FBXL7: variants seen among roughly 807,000 people sequenced by gnomAD.
FBXL7 encodes the protein F-box and leucine rich repeat protein 7.
Under a neutral mutation model 38.3 loss-of-function variants are expected in FBXL7, and 12 were observed. The observed-to-expected ratio is 0.31, with a 90% CI of 0.20 to 0.51. The LOEUF (loss-of-function observed/expected upper bound fraction) is 0.51. Among genes scored for constraint, FBXL7 ranks in the 20% least tolerant of loss-of-function variants. FBXL7 has a pLI of 0.98. For synonymous variants in FBXL7, 297 were observed against 300.9 expected, an observed-to-expected ratio of 0.99 and a Z score of 0.13; for missense variants, 567 against 676.4, an observed-to-expected ratio of 0.84 and a Z score of 1.79.
At chr5:15,598,503 G>A (rs1391063924) in intron 1 of FBXL7, among the ~76,000 whole-genome samples, 1 of 152,178 alleles carries the variant, frequency 6.6e-6, no homozygotes, top group Non-Finnish European at 1.5e-5. Context: ...CAGACAGACT[G>A]TCTTTTCTGG....
At chr5:15,545,988 C>T (rs1000314900) in intron 1 of FBXL7, among the ~76,000 whole-genome samples, 3 of 152,130 alleles carry the variant, frequency 2.0e-5, no homozygotes, top group Non-Finnish European at 2.9e-5. Context: ...GTAATACACA[C>T]ACTGGATTTT....
intron 2 of FBXL7, among the ~76,000 whole-genome samples, chr5:15,633,973 GT>G (rs1741088049): frequency 6.6e-6 from 1 of 151,258 alleles, no homozygotes; most frequent in South Asian, 2.1e-4. Flanking sequence ...TAGAGATGGG[GT>G]TTTACCATGT....
chr5:15,734,313 G>A (rs1339625389), intron 2 of FBXL7, among the ~76,000 whole-genome samples: 1 of 152,202 alleles, frequency 6.6e-6, no homozygotes, highest in East Asian at 1.9e-4. Flanking sequence ...TCTTCTCTAT[G>A]GGACCTCAGT....
intron 1 of FBXL7, among the ~76,000 whole-genome samples, chr5:15,561,265 G>A (rs984073269): frequency 3.3e-5 from 5 of 151,994 alleles, no homozygotes; most frequent in African/African-American, 1.2e-4. Flanking sequence ...TCTACTCTGT[G>A]TTGCTATGTA....
chr5:15,630,506 T>C (rs528273222), intron 2 of FBXL7, among the ~76,000 whole-genome samples: 13 of 152,214 alleles, frequency 8.5e-5, no homozygotes, highest in Middle Eastern at 3.4e-3. Context: ...TTCACTGATT[T>C]GTTATGGAGA....
chr5:15,825,611 C>G (rs938337015), intron 2 of FBXL7, among the ~76,000 whole-genome samples: 29 of 152,264 alleles, frequency 1.9e-4, no homozygotes, highest in African/African-American at 5.8e-4. Flanking sequence ...ATTATTCTCA[C>G]TTCTGTTGTA....
chr5:15,673,038 A>G (rs1742533021), intron 2 of FBXL7, among the ~76,000 whole-genome samples: 1 of 151,052 alleles, frequency 6.6e-6, no homozygotes, highest in Non-Finnish European at 1.5e-5. Flanking sequence ...CTTAAAACCC[A>G]TATAGTGGCC....
At chr5:15,530,458 C>G (rs1240533285) in intron 1 of FBXL7, among the ~76,000 whole-genome samples, 1 of 152,052 alleles carries the variant, frequency 6.6e-6, no homozygotes, top group Non-Finnish European at 1.5e-5. Flanking sequence ...GATCCTAGAT[C>G]TTGTTCTTAG....
intron 2 of FBXL7, among the ~76,000 whole-genome samples, chr5:15,713,694 T>C (rs1162979228): frequency 6.6e-6 from 1 of 152,184 alleles, no homozygotes; most frequent in Non-Finnish European, 1.5e-5. Context: ...AATCTTTGGA[T>C]TTCTGAGTCA....
rs549191678 is a variant in FBXL7, at chr5:15,779,970, C to T, written c.128-147920C>T. Among the ~76,000 whole-genome samples the T allele has an allele frequency of 7.2e-5, 11 of 152,220 alleles. No homozygotes were observed. The East Asian group carries it at 1.9e-3, about 27-fold the overall frequency. ...TCACCTTTACCTCATTCCAGATGTC[C>T]GACTTGTGTTTGTCAAAAATGGATT... On this transcript the variant is annotated intron_variant, in intron 2 of 3. Transcript: ENST00000504595.
intron 2 of FBXL7, among the ~76,000 whole-genome samples, chr5:15,742,838 A>C (rs1735926451): frequency 6.6e-6 from 1 of 152,188 alleles, no homozygotes; most frequent in South Asian, 2.1e-4. Context: ...GAGTGGCCTC[A>C]GGATACTTAC....
intron 1 of FBXL7, among the ~76,000 whole-genome samples, chr5:15,571,928 T>C (rs1738801997): frequency 6.6e-6 from 1 of 152,164 alleles, no homozygotes; most frequent in Non-Finnish European, 1.5e-5. Context: ...GCCCCATCTC[T>C]TACCCGGTTA....
intron 2 of FBXL7, among the ~76,000 whole-genome samples, chr5:15,734,031 C>G (rs7713555): frequency 0.55 from 83,631 of 151,038 alleles, 23,218 homozygotes; most frequent in East Asian, 0.68. Context: ...CTCTTGAACC[C>G]GGGACCCGGG....
chr5:15,694,071 C>A (rs1579383774), intron 2 of FBXL7, among the ~76,000 whole-genome samples: 1 of 152,286 alleles, frequency 6.6e-6, no homozygotes, highest in African/African-American at 2.4e-5. Context: ...AACACATGCC[C>A]ACTGGGCTTT....
chr5:15,778,612 C>T (rs1736918021), intron 2 of FBXL7, among the ~76,000 whole-genome samples: 1 of 152,114 alleles, frequency 6.6e-6, no homozygotes, highest in Non-Finnish European at 1.5e-5. Context: ...TTTCTCATCT[C>T]CATCGTTTTT....
chr5:15,692,120 C>T lies in FBXL7; in HGVS notation c.127+76048C>T, dbSNP rs139006257. Among the ~76,000 whole-genome samples, 642 of 152,206 alleles carry T rather than the reference C, an allele frequency of 4.2e-3. 2 individuals carry two copies. Among genetic ancestry groups the T allele is most frequent in the African/African-American group, 0.014 (600 of 41,528 alleles). The stretch of plus-strand genomic sequence containing the variant: ...GAGCCTGAGCCCTCAGAGTAGGCTG[C>T]CTCGATTGGAATCCGGGGTCACTTC... On this transcript the variant is annotated intron_variant, in intron 2 of 3. Transcript: ENST00000504595.
At chr5:15,914,280 T>A (rs1290314703) in intron 2 of FBXL7, among the ~76,000 whole-genome samples, 2 of 149,734 alleles carry the variant, frequency 1.3e-5, no homozygotes, top group Admixed American at 1.4e-4. Flanking sequence ...CAGCTACTCA[T>A]GAGGCTGAGG....
At chr5:15,920,155 G>A (rs1348022473) in intron 2 of FBXL7, among the ~76,000 whole-genome samples, 1 of 152,236 alleles carries the variant, frequency 6.6e-6, no homozygotes, top group South Asian at 2.1e-4. Context: ...GACTCAGGAG[G>A]CTGAGGCAGG....
At chr5:15,664,469 C>CTTTTT (rs34999340) in intron 2 of FBXL7, among the ~76,000 whole-genome samples, 8 of 105,542 alleles carry the variant, frequency 7.6e-5, no homozygotes, top group East Asian at 3.1e-4. Context: ...TTTTCTTTTC[C>CTTTTT]TTTTTTTTTT....
Sources: gnomAD v4.1 joint callset for allele counts (sites outside exome capture counted in the v4.1 genomes callset) on GRCh38, gnomAD v4.1.1 for gene constraint, MANE v1.5 for transcripts, NCBI Gene and HGNC (gene_info 2026-07-23, HGNC 2026-07-21) for gene names.